MYCBP2: variants seen among roughly 807,000 people sequenced by gnomAD.
MYCBP2 encodes E3 ubiquitin-protein ligase MYCBP2.
In MYCBP2, 120 loss-of-function variants were observed where a neutral mutation model predicts 525.3. The observed-to-expected ratio is 0.23, with a 90% confidence interval of 0.20 to 0.27. MYCBP2 has a LOEUF of 0.27. Among genes scored for constraint, MYCBP2 ranks in the 10% least tolerant of loss-of-function variants. MYCBP2 has a pLI of 1.00. For synonymous variants in MYCBP2, 1,894 were observed against 1,955.8 expected (o/e 0.97, Z 0.83); for missense variants, 4,149 against 5,657.1 (o/e 0.73, Z 8.55).
chr13:77,161,818 C>A, intron 44 of MYCBP2, 88 bp downstream of exon 44: 1 of 967,990 alleles, frequency 1.0e-6, no homozygotes, highest in South Asian at 1.5e-5. Flanking sequence ...TGAATGAACC[C>A]AATGGTCAAG....
At position 77,088,903 on chromosome 13, in the gene MYCBP2, CATG is replaced by C; in HGVS notation, c.10651_10653del (p.His3551del). ...ATTGCTATTTCAAGACCTTCTAGAT[CATG>C]ATGTTGTATAACAAAAGCTAAAACT... On this transcript the variant is annotated inframe_deletion, in exon 61 of 83. Coordinates refer to ENST00000544440, the MANE Select transcript of MYCBP2 (RefSeq NM_015057.5). 6.2e-7 allele frequency: 1 copy of C among 1,613,302 alleles called. No homozygotes were observed. Among genetic ancestry groups the C allele is most frequent in the Non-Finnish European group, 8.5e-7 (1 of 1,179,556 alleles).
intron 26 of MYCBP2, among the ~76,000 whole-genome samples, chr13:77,200,162 T>C (rs1287906366): frequency 6.6e-6 from 1 of 151,604 alleles, no homozygotes; most frequent in Non-Finnish European, 1.5e-5. Context: ...TAGAAGAATG[T>C]ATAACTAGAA....
At chr13:77,182,409 C>T (rs1447849913) in intron 32 of MYCBP2, among the ~76,000 whole-genome samples, 2 of 152,142 alleles carry the variant, frequency 1.3e-5, no homozygotes, top group Non-Finnish European at 2.9e-5. Flanking sequence ...AAATTAGTAG[C>T]ATACTTACAA....
intron 1 of MYCBP2, among the ~76,000 whole-genome samples, chr13:77,322,838 T>C (rs2081846968): frequency 6.6e-6 from 1 of 152,196 alleles, no homozygotes; most frequent in South Asian, 2.1e-4. Context: ...ATACATTTCC[T>C]GTCCAACCCC....
At chr13:77,194,080 G>A in intron 27 of MYCBP2, 73 bp downstream of exon 27, 4 of 928,386 alleles carry the variant, frequency 4.3e-6, no homozygotes, top group Non-Finnish European at 6.5e-6. Context: ...TTTAAAGTAT[G>A]TTTATTCATT....
chr13:77,183,541 C>CTTTTTCTT (rs2060422202), intron 32 of MYCBP2, among the ~76,000 whole-genome samples: 1 of 66,050 alleles, frequency 1.5e-5, no homozygotes, highest in African/African-American at 7.1e-5. Flanking sequence ...GTCCCTATTT[C>CTTTTTCTT]TTTTTTTTTT....
At position 77,233,159 on chromosome 13, in the gene MYCBP2, T is replaced by A; in HGVS notation, c.2734A>T (p.Lys912Ter). The A allele has an allele frequency of 6.2e-7, 1 of 1,613,268 alleles. No homozygotes were observed. Among genetic ancestry groups the A allele is most frequent in the Non-Finnish European group, 8.5e-7 (1 of 1,179,376 alleles). ...GGTGATAAGGAAGACCAAATACCTT[T>A]GTGCTTGTCCCGTTTATGCTTTAGC... is the stretch of plus-strand genomic sequence containing the variant. The part of the protein sequence containing the change: ...AQLKHKRDKH[K>*]DGSGERGEKD... The change falls in exon 18 of 83, where the codon AAA becomes TAA. Residue 912 changes from lysine to a stop codon, truncating the protein, a stop_gained. Transcript: ENST00000544440. LOFTEE classifies it high-confidence loss of function.
intron 37 of MYCBP2, among the ~76,000 whole-genome samples, chr13:77,172,336 G>T (rs982751432): frequency 6.6e-6 from 1 of 152,194 alleles, no homozygotes; most frequent in Non-Finnish European, 1.5e-5. Flanking sequence ...AGAGTGAAGC[G>T]TGATGGGTGG....
intron 55 of MYCBP2, among the ~76,000 whole-genome samples, chr13:77,120,854 A>C (rs1478691252): frequency 6.6e-6 from 1 of 152,212 alleles, no homozygotes; most frequent in African/African-American, 2.4e-5. Context: ...TTTATTATAG[A>C]TATTAAAACC....
chr13:77,137,859 C>G (rs1399079369), intron 52 of MYCBP2, among the ~76,000 whole-genome samples: 2 of 152,080 alleles, frequency 1.3e-5, no homozygotes, highest in Non-Finnish European at 2.9e-5. Context: ...GCTGGGATTA[C>G]AGGCGTGAGC....
intron 43 of MYCBP2, among the ~76,000 whole-genome samples, chr13:77,162,731 A>G (rs1355347409): frequency 2.6e-5 from 4 of 152,184 alleles, no homozygotes; most frequent in East Asian, 3.9e-4. Flanking sequence ...ATCTCGGCTC[A>G]CTGCAACCTC....
rs2073404886 is a variant in MYCBP2 at position 77,262,149 on chromosome 13, A to T, written c.1571-20T>A. Reference sequence around the variant, plus strand: ...CTGTACCTGAAATACGAGACTAATAAATACTATTGCATTTCTAATATGAAG... The same window carrying T: ...CTGTACCTGAAATACGAGACTAATATATACTATTGCATTTCTAATATGAAG... On this transcript the variant is annotated intron_variant, in intron 10 of 82. Transcript: ENST00000544440. 2 of 1,583,062 alleles carry T rather than the reference A, an allele frequency of 1.3e-6. No homozygotes were observed. The highest frequency in any genetic ancestry group is 2.3e-5 in the South Asian group (2 of 88,870).
rs142783857 is a variant in MYCBP2 at position 77,066,037 on chromosome 13, G to T, written c.12507C>A (p.Thr4169=). ...SHWWMKGSTP[T]QISEIIIKLI... ...GTTTAATGATGATCTCTGAGATCTG[G>T]GTAGGGGTTGAGCCCTTCATCCACC... The change falls in exon 72 of 83, where the codon ACC becomes ACA. Residue 4169 remains threonine (T), a synonymous_variant. Coordinates refer to ENST00000544440, the MANE Select transcript of MYCBP2 (RefSeq NM_015057.5). The T allele has an allele frequency of 2.5e-6, 4 of 1,613,424 alleles. No homozygotes were observed. The East Asian group carries it at 6.7e-5, about 27-fold the overall frequency.
At chr13:77,218,081 C>T in intron 20 of MYCBP2, 124 bp from the exon 21 acceptor site, 1 of 557,582 alleles carries the variant, frequency 1.8e-6, no homozygotes. Context: ...ATTCAGTAAA[C>T]ATTTAAGTGC....
intron 17 of MYCBP2, among the ~76,000 whole-genome samples, chr13:77,235,894 C>T (rs1268527236): frequency 1.3e-5 from 2 of 151,410 alleles, no homozygotes; most frequent in Non-Finnish European, 2.9e-5. Context: ...CATAAAGGTT[C>T]AGAGGTAGGG....
intron 1 of MYCBP2, among the ~76,000 whole-genome samples, chr13:77,314,034 A>T (rs2080608854): frequency 6.6e-6 from 1 of 152,190 alleles, no homozygotes; most frequent in African/African-American, 2.4e-5. Flanking sequence ...ATGCAAGAGG[A>T]ACTCTCATTT....
intron 11 of MYCBP2, among the ~76,000 whole-genome samples, 176 bp from the exon 12 acceptor site, chr13:77,261,551 C>T (rs532041820): frequency 1.3e-5 from 2 of 152,028 alleles, no homozygotes; most frequent in African/African-American, 4.8e-5. Flanking sequence ...ACATATTTTG[C>T]CAAGAAGACA....
rs149642504 is a variant in MYCBP2, at chr13:77,179,827, A to G, written c.5133+300T>C. 1.9e-3 allele frequency among the ~76,000 whole-genome samples: 286 copies of G among 151,816 alleles called. 3 individuals carry two copies. The highest frequency in any genetic ancestry group is 2.2e-3 in the Non-Finnish European group (147 of 68,016). On this transcript the variant is annotated intron_variant, in intron 34 of 82. Coordinates refer to ENST00000544440, the MANE Select transcript of MYCBP2 (RefSeq NM_015057.5). ...TGTTACTCATCTTCCAGCAGTGAGAACTATCTTTGCTTTTCACGGGGCATG... is the reference window on the plus strand; with the variant it reads ...TGTTACTCATCTTCCAGCAGTGAGAGCTATCTTTGCTTTTCACGGGGCATG...
At chr13:77,316,417 T>C (rs1044978480) in intron 1 of MYCBP2, among the ~76,000 whole-genome samples, 3 of 152,172 alleles carry the variant, frequency 2.0e-5, no homozygotes, top group Admixed American at 6.5e-5. Context: ...AATGCCCATA[T>C]TGGAACTAGG....
Sources: allele counts gnomAD v4.1 joint callset (sites outside exome capture counted in the v4.1 genomes callset), GRCh38; gene constraint gnomAD v4.1.1; transcripts MANE v1.5; gene names NCBI Gene and HGNC (gene_info 2026-07-23, HGNC 2026-07-21).